THAP12: variants seen among roughly 807,000 people sequenced by gnomAD.
THAP12 encodes THAP domain containing 12.
A neutral mutation model predicts 63.0 loss-of-function variants in THAP12; 20 were observed. The ratio of observed to expected loss-of-function variants is 0.32; its 90% CI spans 0.22 to 0.46. THAP12 has a LOEUF of 0.46. THAP12 is among the 20% of genes least tolerant of loss of function. The probability of loss-of-function intolerance (pLI) is 1.00; values close to 1 mark genes in which losing one functional copy is unlikely to be tolerated. For missense variants in THAP12, 568 were observed against 908.2 expected (o/e 0.63, Z 4.81); for synonymous variants, 264 against 328.4 (o/e 0.80, Z 2.12).
chr11:76,364,536 G>A (rs1270125216), intron 2 of THAP12: 8 of 255,884 alleles, frequency 3.1e-5, no homozygotes, highest in Non-Finnish European at 5.6e-5. Flanking sequence ...TAGTTACACT[G>A]AAACAAGTCT....
At chr11:76,365,269 G>A (rs1331043939) in intron 2 of THAP12, among the ~76,000 whole-genome samples, 6 of 150,850 alleles carry the variant, frequency 4.0e-5, no homozygotes, top group Non-Finnish European at 7.4e-5. Context: ...ACTCCAGCCT[G>A]GGTGACAGAG....
chr11:76,379,252 C>T (rs1214837384), intron 1 of THAP12, among the ~76,000 whole-genome samples: 1 of 152,170 alleles, frequency 6.6e-6, no homozygotes, highest in African/African-American at 2.4e-5. Context: ...CCATCTCCTC[C>T]TCTATTAATC....
intron 4 of THAP12, among the ~76,000 whole-genome samples, chr11:76,354,732 T>G (rs1946548682): frequency 6.6e-6 from 1 of 152,204 alleles, no homozygotes; most frequent in Admixed American, 6.5e-5. Context: ...TATCACCTAC[T>G]TATAAACCCC....
chr11:76,350,666 T>G lies in THAP12; in HGVS notation c.*198A>C, dbSNP rs1289232435. 5 of 497,772 alleles carry G rather than the reference T, an allele frequency of 1.0e-5. No homozygotes were observed. Among genetic ancestry groups the G allele is most frequent in the Non-Finnish European group, 1.6e-5 (5 of 313,630 alleles). The allele number at this position is 497,772 out of a possible 1,614,324, so 30.8% of individuals were successfully genotyped here. A position where few individuals can be genotyped will look rare whatever the true frequency, so the allele number is the denominator to read the frequency against. The stretch of plus-strand genomic sequence containing the variant: ...AAAAGGAAACATGGCACTTTCAACG[T>G]TCTCTTCTGGAAGAACAGGTAGGTC... On this transcript the variant is annotated 3_prime_UTR_variant, in exon 5 of 5. Coordinates refer to ENST00000260045, the MANE Select transcript of THAP12 (RefSeq NM_004705.4).
Position 76,380,751 on chromosome 11 carries a change from G to A in THAP12, c.86C>T (p.Ala29Val). Residue 29 changes from alanine to valine, a missense_variant, in exon 1 of 5, where the codon GCC (alanine) becomes GTC (valine). Coordinates refer to ENST00000260045, the MANE Select transcript of THAP12 (RefSeq NM_004705.4). ...LAFFRFPRDPARCQKWVENCR... is the reference protein window; with the variant it reads ...LAFFRFPRDPVRCQKWVENCR... ...CCGCTCTGCGCCCGCCGCTTACCTG[G>A]CAGGGTCCCGCGGGAACCTGAAGAA... is the stretch of plus-strand genomic sequence containing the variant. 3 of 1,448,182 alleles carry A rather than the reference G, an allele frequency of 2.1e-6. No homozygotes were observed. The highest frequency in any genetic ancestry group is 2.7e-6 in the Non-Finnish European group (3 of 1,092,664). The allele number at this position is 1,448,182 out of a possible 1,614,324, so 89.7% of individuals were successfully genotyped here. A position where few individuals can be genotyped will look rare whatever the true frequency, so the allele number is the denominator to read the frequency against.
At chr11:76,361,138 T>A (rs567839269) in intron 2 of THAP12, 75 bp from the exon 3 acceptor site, 89 of 924,592 alleles carry the variant, frequency 9.6e-5, no homozygotes, top group Non-Finnish European at 1.2e-4. Context: ...TCTATGTTAA[T>A]GACCTCCACA....
Position 76,380,792 on chromosome 11 carries a change from C to A in THAP12, c.45G>T (p.Thr15=). 1 of 1,464,038 alleles carries A rather than the reference C, an allele frequency of 6.8e-7. No homozygotes were observed. 90.7% of individuals were successfully genotyped at this position (1,464,038 alleles called of 1,614,324 possible). A position where few individuals can be genotyped will look rare whatever the true frequency, so the allele number is the denominator to read the frequency against. ...CAAPNCTRKS[T]QSDLAFFRFP... is the part of the protein sequence containing the mutation. Reference sequence around the variant, plus strand: ...ACCTGAAGAAGGCCAAGTCGGACTGCGTGCTCTTCCGCGTGCAGTTGGGGG... The same window carrying A: ...ACCTGAAGAAGGCCAAGTCGGACTGAGTGCTCTTCCGCGTGCAGTTGGGGG... Residue 15 remains threonine (T), a synonymous_variant, in exon 1 of 5, where the codon ACG becomes ACT. Transcript: ENST00000260045.
intron 4 of THAP12, among the ~76,000 whole-genome samples, chr11:76,354,983 GAATTA>G (rs1334895761): frequency 1.3e-5 from 2 of 152,128 alleles, no homozygotes; most frequent in Non-Finnish European, 2.9e-5. Flanking sequence ...GCTATTGTGA[GAATTA>G]AATTAATTAA....
intron 1 of THAP12, among the ~76,000 whole-genome samples, chr11:76,380,087 T>C (rs1371105048): frequency 6.6e-6 from 1 of 152,182 alleles, no homozygotes; most frequent in Non-Finnish European, 1.5e-5. Flanking sequence ...CCCTATGCTA[T>C]CATTCCCTAA....
intron 2 of THAP12, among the ~76,000 whole-genome samples, chr11:76,363,588 T>TG (rs1946612431): frequency 2.7e-5 from 1 of 37,646 alleles, no homozygotes; most frequent in Non-Finnish European, 4.8e-5. Context: ...AATCCAGGGG[T>TG]TTTTGTTTGT....
chr11:76,363,478 G>A (rs544533580), intron 2 of THAP12, among the ~76,000 whole-genome samples: 2 of 152,170 alleles, frequency 1.3e-5, no homozygotes, highest in African/African-American at 4.8e-5. Flanking sequence ...TGAGTAGCTG[G>A]GACTACAGAC....
At chr11:76,368,118 T>A (rs529822204) in intron 1 of THAP12, among the ~76,000 whole-genome samples, 1 of 152,206 alleles carries the variant, frequency 6.6e-6, no homozygotes, top group South Asian at 2.1e-4. Context: ...CACAGAGCAA[T>A]ACTGTACATA....
At position 76,350,884 on chromosome 11, in the gene THAP12, C is replaced by T. The variant is rs750332707; in HGVS notation, c.2266G>A (p.Glu756Lys). 4.4e-5 allele frequency: 68 copies of T among 1,536,634 alleles called. No homozygotes were observed. The highest frequency in any genetic ancestry group is 6.8e-5 in the East Asian group (3 of 44,288). ...GTCTCTTAGGTATTTTCCACAGTTT[C>T]GGAATTATCTGTAGGAAGCTCTGAC... is the stretch of plus-strand genomic sequence containing the variant. ...SKSELPTDNS[E>K]TVENT Residue 756 changes from glutamate to lysine, a missense_variant, in exon 5 of 5, where the codon GAA becomes AAA. Physicochemically the swap from Glu to Lys is moderately conservative, Grantham distance 56 (BLOSUM62 1). Coordinates refer to ENST00000260045, the MANE Select transcript of THAP12 (RefSeq NM_004705.4).
At chr11:76,376,685 T>A (rs1946713782) in intron 1 of THAP12, among the ~76,000 whole-genome samples, 1 of 144,036 alleles carries the variant, frequency 6.9e-6, no homozygotes, top group Non-Finnish European at 1.5e-5. Flanking sequence ...ATAATAACCC[T>A]AAAAATGATA....
chr11:76,351,965 T>C lies in THAP12; in HGVS notation c.1185A>G (p.Pro395=), dbSNP rs762341757. The C allele has an allele frequency of 3.7e-6, 6 of 1,605,382 alleles. No homozygotes were observed. The African/African-American group carries it at 6.7e-5, about 18-fold the overall frequency. ...EEVCSFFHRS[P]QLLLELDNVI... ...CGTTGTCAAGTTCTAAAAGCAGTTG[T>C]GGTGATCGATGGAAAAAAGAACAAA... is the stretch of plus-strand genomic sequence containing the variant. Residue 395 remains proline (P), a synonymous_variant, in exon 5 of 5, where the codon CCA becomes CCG. Coordinates refer to ENST00000260045, the MANE Select transcript of THAP12 (RefSeq NM_004705.4).
At chr11:76,378,967 C>T (rs1946730481) in intron 1 of THAP12, among the ~76,000 whole-genome samples, 1 of 152,134 alleles carries the variant, frequency 6.6e-6, no homozygotes, top group Non-Finnish European at 1.5e-5. Context: ...TAGTATTCCT[C>T]TACCAAACCT....
chr11:76,356,019 A>G lies in THAP12; in HGVS notation c.319-365T>C, dbSNP rs185509522. ...AGGACACAAATCATCTTACTTCCCA[A>G]TTTAACCCTGGAGATGTCCCATAAG... is the stretch of plus-strand genomic sequence containing the variant. On this transcript the variant is annotated intron_variant, in intron 3 of 4. Coordinates refer to ENST00000260045, the MANE Select transcript of THAP12 (RefSeq NM_004705.4). 461 of 166,910 alleles carry G rather than the reference A, an allele frequency of 2.8e-3. 4 individuals are homozygous for G. The highest frequency in any genetic ancestry group is 0.01 in the African/African-American group (437 of 42,050). 10.3% of individuals were successfully genotyped at this position (166,910 alleles called of 1,614,324 possible).
Position 76,352,419 on chromosome 11 carries a change from C to G in THAP12, c.731G>C (p.Ser244Thr). ...CCTGAGAGTTTCTTCTCGAATACAG[C>G]TCTCACAGATCTCTAGCATCTGCCT... The part of the protein sequence containing the change: ...QQRQMLEICE[S>T]CIREETLREV... The change falls in exon 5 of 5, where the codon AGC becomes ACC. Residue 244 changes from serine to threonine, a missense_variant. Transcript: ENST00000260045. 1 of 1,611,898 alleles carries G rather than the reference C, an allele frequency of 6.2e-7. No homozygotes were observed. The highest frequency in any genetic ancestry group is 2.2e-5 in the East Asian group (1 of 44,890).
chr11:76,353,555 A>C (rs1363234468), intron 4 of THAP12, among the ~76,000 whole-genome samples: 3 of 152,248 alleles, frequency 2.0e-5, no homozygotes, highest in Non-Finnish European at 4.4e-5. Context: ...TCTTAGGGCT[A>C]GTATTAGAAT....
Sources: gnomAD v4.1 joint callset for allele counts (sites outside exome capture counted in the v4.1 genomes callset) on GRCh38, gnomAD v4.1.1 for gene constraint, MANE v1.5 for transcripts, NCBI Gene and HGNC (gene_info 2026-07-23, HGNC 2026-07-21) for gene names.